Variants in POLR1A observed in about 807,000 individuals in gnomAD.
POLR1A encodes DNA-directed RNA polymerase I subunit RPA1.
In POLR1A, 84 loss-of-function variants were observed where a neutral mutation model predicts 205.3. That is an observed-to-expected ratio of 0.41 (90% CI 0.34 to 0.49). The LOEUF is 0.49. Ranked by LOEUF, POLR1A falls within the 20% of genes least tolerant of loss-of-function variation. The pLI is 0.22. For missense variants in POLR1A, 1,645 were observed against 2,204.5 expected, an observed-to-expected ratio of 0.75 and a Z score of 5.08; for synonymous variants, 799 against 863.7, an observed-to-expected ratio of 0.93 and a Z score of 1.31.
Position 86,049,226 on chromosome 2 carries a change from C to T in POLR1A, c.2409G>A (p.Leu803=). 6.2e-7 allele frequency: 1 copy of T among 1,613,562 alleles called. No individual in the cohort carries two copies. The highest frequency in any genetic ancestry group is 8.5e-7 in the Non-Finnish European group (1 of 1,179,510). Residue 803 remains leucine (L), a synonymous_variant, in exon 17 of 34, where the codon TTG becomes TTA. Transcript: ENST00000263857. ...RGFTLGVEDI[L]VKPKADVKRQ... Reference sequence around the variant, plus strand: ...TCTTGACATCTGCCTTTGGCTTCACCAAAATGTCTTCCACGCCTGTGAAGT... The same window carrying T: ...TCTTGACATCTGCCTTTGGCTTCACTAAAATGTCTTCCACGCCTGTGAAGT...
chr2:86,084,185 G>A (rs1673455699), intron 6 of POLR1A, among the ~76,000 whole-genome samples: 1 of 152,166 alleles, frequency 6.6e-6, no homozygotes, highest in Non-Finnish European at 1.5e-5. Flanking sequence ...AGAATGGCGT[G>A]AACCCAGGAG....
chr2:86,038,429 C>T (rs1672537468), intron 27 of POLR1A, among the ~76,000 whole-genome samples: 1 of 152,212 alleles, frequency 6.6e-6, no homozygotes, highest in Non-Finnish European at 1.5e-5. Flanking sequence ...TGCCTGCAAG[C>T]CCCAGAAGAC....
chr2:86,049,148 G>A lies in POLR1A; in HGVS notation c.2475+12C>T, dbSNP rs1672757088. On this transcript the variant is annotated intron_variant, in intron 17 of 33. Coordinates refer to ENST00000263857, the MANE Select transcript of POLR1A (RefSeq NM_015425.6). ...CTCTAGGGCAGGCCACGGCCTCGAA[G>A]TCCCTCCTTACCTGGGGCCCGCAGT... 1 of 1,612,132 alleles carries A rather than the reference G, an allele frequency of 6.2e-7. No homozygotes were observed.
At chr2:86,032,572 C>T (rs1162057317) in intron 28 of POLR1A, among the ~76,000 whole-genome samples, 190 bp from the exon 29 acceptor site, 5 of 152,052 alleles carry the variant, frequency 3.3e-5, no homozygotes, top group African/African-American at 9.7e-5. Context: ...CTGTCCAGTC[C>T]CAGAACCCAG....
intron 16 of POLR1A, among the ~76,000 whole-genome samples, chr2:86,050,532 C>T (rs1370572231): frequency 2.0e-5 from 3 of 152,174 alleles, no homozygotes; most frequent in African/African-American, 7.2e-5. Context: ...GCCTGTTCCC[C>T]CTTGTAGCCC....
At position 86,038,777 on chromosome 2, in the gene POLR1A, A is replaced by C. The variant is rs748309702; in HGVS notation, c.3957T>G (p.Phe1319Leu). Residue 1319 changes from phenylalanine to leucine, a missense_variant, in exon 27 of 34, where the codon TTT becomes TTG. Physicochemically the swap from Phe to Leu is conservative, Grantham distance 22. Coordinates refer to ENST00000263857, the MANE Select transcript of POLR1A (RefSeq NM_015425.6). Reference sequence around the variant, plus strand: ...GGTAATATGCATGTGGCAGGAACTGAAACCGCAGCTGGTACACCTGGAATT... The same window carrying C: ...GGTAATATGCATGTGGCAGGAACTGCAACCGCAGCTGGTACACCTGGAATT... ...QNKFQVYQLR[F>L]QFLPHAYYQQ... 3 of 1,614,066 alleles carry C rather than the reference A, an allele frequency of 1.9e-6. No individual in the cohort carries two copies. In the South Asian group the frequency reaches 3.3e-5, roughly 18 times the overall value.
intron 6 of POLR1A, among the ~76,000 whole-genome samples, chr2:86,084,378 C>T (rs1573830037): frequency 6.6e-6 from 1 of 151,772 alleles, no homozygotes; most frequent in East Asian, 1.9e-4. Context: ...GATCGTATCG[C>T]TGCACTCCAG....
rs1673740512 is a variant in POLR1A at position 86,098,097 on chromosome 2, A to T, written c.432+514T>A. ...GCATTACCAATAGGTGAACAACCTG[A>T]CATATGCCTCCTAAAATGATGCAAT... On this transcript the variant is annotated intron_variant, in intron 3 of 33. Transcript: ENST00000263857. Among the ~76,000 whole-genome samples, 3 of 152,244 alleles carry T rather than the reference A, an allele frequency of 2.0e-5. No homozygotes were observed. The South Asian group carries it at 6.2e-4, about 31-fold the overall frequency.
intron 27 of POLR1A, 58 bp downstream of exon 27, chr2:86,038,642 C>T: frequency 1.3e-6 from 2 of 1,559,708 alleles, no homozygotes; most frequent in Non-Finnish European, 1.8e-6. Flanking sequence ...GCTTCCTGCC[C>T]CAGTTCAAGC....
At chr2:86,047,901 G>C (rs908941902) in intron 18 of POLR1A, among the ~76,000 whole-genome samples, 1 of 152,178 alleles carries the variant, frequency 6.6e-6, no homozygotes, top group African/African-American at 2.4e-5. Flanking sequence ...GAGGTGGTGG[G>C]AAGAGGGCAA....
rs372787684 is a variant in POLR1A at position 86,041,180 on chromosome 2, TGTGTGTGTGTGC to T, written c.3573-633_3573-622del. Among the ~76,000 whole-genome samples, 972 of 100,180 alleles carry T rather than the reference TGTGTGTGTGTGC, an allele frequency of 9.7e-3. 9 individuals carry two copies. The highest frequency in any genetic ancestry group is 0.016 in the Non-Finnish European group (703 of 44,260). The allele number at this position is 100,180 out of a possible 152,430, so 65.7% of individuals were successfully genotyped here. Reference sequence around the variant, plus strand: ...GTGTGTGTGTGTGTGTGTGTGTGTGTGTGTGTGTGTGCGCGCTGAGCTACAGTGTCTGTGTGT... The same window carrying T: ...GTGTGTGTGTGTGTGTGTGTGTGTGTGCGCTGAGCTACAGTGTCTGTGTGT... On this transcript the variant is annotated intron_variant, in intron 24 of 33. Coordinates refer to ENST00000263857, the MANE Select transcript of POLR1A (RefSeq NM_015425.6).
In POLR1A at chr2:86,025,858, T is replaced by A. The variant is rs557853387; in HGVS notation, c.*1565A>T. The A allele has an allele frequency of 3.3e-5, 5 of 152,358 alleles. No individual in the cohort carries two copies. The East Asian group carries it at 9.6e-4, about 29-fold the overall frequency. The allele number at this position is 152,358 out of a possible 1,614,324, so 9.4% of individuals were successfully genotyped here. On this transcript the variant is annotated 3_prime_UTR_variant, in exon 34 of 34. Transcript: ENST00000263857. ...TCCTGCCTGCCTCAAAACTGTCATA[T>A]TCCTCTGTGCCCATGCCTTGGTGAA...
In POLR1A at chr2:86,033,759, T is replaced by A; in HGVS notation, c.4063A>T (p.Lys1355Ter). The change falls in exon 28 of 34, where the codon AAA becomes TAA. Residue 1355 changes from lysine (K) to a stop codon, truncating the protein, a stop_gained. Transcript: ENST00000263857. LOFTEE classifies it high-confidence loss of function. ...RFFKLLMESI[K>*]KKNNKASAFR... ...GCTGATGCTTTATTATTCTTCTTTT[T>A]GATGGATTCCATCAGAAGTTTAAAG... 6.2e-7 allele frequency: 1 copy of A among 1,614,106 alleles called. No homozygotes were observed. Among genetic ancestry groups the A allele is most frequent in the Non-Finnish European group, 8.5e-7 (1 of 1,180,020 alleles).
intron 29 of POLR1A, 118 bp downstream of exon 29, chr2:86,032,154 G>A (rs903191899): frequency 1.4e-6 from 1 of 727,826 alleles, no homozygotes; most frequent in Non-Finnish European, 2.5e-6. Context: ...GCTGCTTCAG[G>A]GTTCCTTGTG....
Position 86,030,286 on chromosome 2 carries a change from G to A in POLR1A, c.4689C>T (p.Leu1563=), listed in dbSNP as rs180684648. ...TCTTATTGTTGGTTGTTTCATTCAG[G>A]AGGCACCGAGTGATGCCCTTGGTCG... is the stretch of plus-strand genomic sequence containing the variant. ...IYATKGITRC[L]LNETTNNKNE... is the part of the protein sequence containing the mutation. The change falls in exon 31 of 34, where the codon CTC becomes CTT. Residue 1563 remains leucine (L), a synonymous_variant. Coordinates refer to ENST00000263857, the MANE Select transcript of POLR1A (RefSeq NM_015425.6). 5.8e-5 allele frequency: 93 copies of A among 1,614,106 alleles called. No individual in the cohort carries two copies. The African/African-American group carries it at 8.1e-4, about 14-fold the overall frequency.
At chr2:86,038,664 G>A (rs939961979) in intron 27 of POLR1A, 36 bp downstream of exon 27, 1 of 1,606,498 alleles carries the variant, frequency 6.2e-7, no homozygotes, top group South Asian at 1.1e-5. Flanking sequence ...CATTCTCTGG[G>A]TCAAGGTCAA....
At chr2:86,030,713 G>A (rs1249228785) in intron 30 of POLR1A, among the ~76,000 whole-genome samples, 7 of 152,188 alleles carry the variant, frequency 4.6e-5, no homozygotes, top group African/African-American at 1.2e-4. Context: ...GTTGTTTCAC[G>A]CGTGCAATCC....
chr2:86,061,096 A>C (rs898661434), intron 14 of POLR1A, among the ~76,000 whole-genome samples: 2 of 152,228 alleles, frequency 1.3e-5, no homozygotes, highest in Non-Finnish European at 2.9e-5. Context: ...AAACAGTAAG[A>C]TACCACTACA....
intron 22 of POLR1A, 120 bp downstream of exon 22, chr2:86,044,019 C>A (rs539021084): frequency 2.3e-6 from 2 of 873,000 alleles, no homozygotes; most frequent in Admixed American, 4.3e-5. Flanking sequence ...TAAACCCTTC[C>A]CACTCTACTT....
Sources: gnomAD v4.1 joint callset for allele counts (sites outside exome capture counted in the v4.1 genomes callset) on GRCh38, gnomAD v4.1.1 for gene constraint, MANE v1.5 for transcripts, NCBI Gene and HGNC (gene_info 2026-07-23, HGNC 2026-07-21) for gene names.